The following NAV1 variants were observed in gnomAD, a reference collection of about 807,000 sequenced individuals.
The protein encoded by NAV1 is neuron navigator 1.
In NAV1, 18 loss-of-function variants were observed where a neutral mutation model predicts 175.2. The ratio of observed to expected loss-of-function variants is 0.10; its 90% confidence interval spans 0.07 to 0.15. NAV1 has a LOEUF of 0.15. NAV1 is among the 10% of genes least tolerant of loss of function. The pLI, the probability that NAV1 is intolerant of heterozygous loss-of-function variation, is 1.00. For synonymous variants in NAV1, 897 were observed against 978.7 expected (o/e 0.92, Z 1.56); for missense variants, 1,731 against 2,436.6 (o/e 0.71, Z 6.10).
chr1:201,759,437 G>T (rs1008516546), intron 3 of NAV1, among the ~76,000 whole-genome samples: 16 of 152,200 alleles, frequency 1.1e-4, no homozygotes, highest in African/African-American at 3.9e-4. Context: ...ATGTCGAAAA[G>T]TATGATGCAG....
chr1:201,654,505 T>C (rs1445918478), intron 1 of NAV1, among the ~76,000 whole-genome samples: 1 of 148,944 alleles, frequency 6.7e-6, no homozygotes, highest in Non-Finnish European at 1.5e-5. Flanking sequence ...CACACACATA[T>C]ACCGCACCTC....
In NAV1 at chr1:201,812,683, C is replaced by CG. The variant is rs751411210; in HGVS notation, c.5221+27dup. 4 of 1,606,400 alleles carry CG rather than the reference C, an allele frequency of 2.5e-6. No homozygotes were observed. The South Asian group carries it at 4.4e-5, about 18-fold the overall frequency. Reference sequence around the variant, plus strand: ...ATCGGTACTGGGGTCCAGCTTCCCCCGGGGGTCAGGAGGTGGCTTCCCTTT... The same window carrying CG: ...ATCGGTACTGGGGTCCAGCTTCCCCCGGGGGGTCAGGAGGTGGCTTCCCTTT... On this transcript the variant is annotated intron_variant, in intron 27 of 29. Transcript: ENST00000367296. This position sits in a 1 kb window ranked among gnomAD's most constrained non-coding sequence, Gnocchi z 4.6.
At chr1:201,678,687 A>G (rs1435611676) in intron 1 of NAV1, among the ~76,000 whole-genome samples, 5 of 152,156 alleles carry the variant, frequency 3.3e-5, no homozygotes, top group Admixed American at 3.3e-4. Flanking sequence ...GCTGCTTTCC[A>G]AAGTCCCAGG....
chr1:201,687,235 G>A (rs1670719895), intron 1 of NAV1, among the ~76,000 whole-genome samples: 1 of 152,192 alleles, frequency 6.6e-6, no homozygotes, highest in African/African-American at 2.4e-5. Flanking sequence ...GTGTTTTATA[G>A]GTTGCTTTTT....
intron 1 of NAV1, among the ~76,000 whole-genome samples, chr1:201,659,228 C>T (rs1394474747): frequency 1.3e-5 from 2 of 152,218 alleles, no homozygotes; most frequent in Non-Finnish European, 1.5e-5. Context: ...TGTGGTGCCA[C>T]GTACTAGCTC....
At chr1:201,566,799 G>GT (rs57141674) in intron 1 of NAV1, among the ~76,000 whole-genome samples, 118 of 145,162 alleles carry the variant, frequency 8.1e-4, no homozygotes, top group Non-Finnish European at 1.2e-3. Flanking sequence ...CTTCTAGGTT[G>GT]TTTTTTTTTT....
intron 2 of NAV1, among the ~76,000 whole-genome samples, chr1:201,595,270 G>A (rs2102221037): frequency 6.6e-6 from 1 of 152,360 alleles, no homozygotes; most frequent in African/African-American, 2.4e-5. Context: ...AGTGTGCTAG[G>A]CACAAGGATG....
At position 201,718,255 on chromosome 1, in the gene NAV1, G is replaced by A; in HGVS notation, c.861-135G>A. 2.3e-6 allele frequency: 2 copies of A among 856,974 alleles called. No homozygotes were observed. Among genetic ancestry groups the A allele is most frequent in the East Asian group, 2.8e-5 (1 of 36,292 alleles). The allele number at this position is 856,974 out of a possible 1,614,324, so 53.1% of individuals were successfully genotyped here. On this transcript the variant is annotated intron_variant, in intron 2 of 29. Transcript: ENST00000367296. The surrounding 1 kb of genome is among the most constrained non-coding windows in gnomAD (Gnocchi z 4.8). ...CACAACCAGAGGCCTCATGGAGGAG[G>A]TGGAGCTTGGGCAGGTGGGGAGGAG...
intron 1 of NAV1, among the ~76,000 whole-genome samples, chr1:201,698,800 T>A (rs188623402): frequency 8.2e-4 from 125 of 152,032 alleles, no homozygotes; most frequent in Non-Finnish European, 1.4e-3. Context: ...TGCACAGGAG[T>A]GGGAGTGGGC....
intron 1 of NAV1, among the ~76,000 whole-genome samples, chr1:201,548,530 C>T (rs1233787289): frequency 6.6e-6 from 1 of 152,060 alleles, no homozygotes; most frequent in Non-Finnish European, 1.5e-5. Context: ...GACTGCACTC[C>T]AGCCTGGGTG....
chr1:201,677,882 G>A (rs186677245), intron 1 of NAV1, among the ~76,000 whole-genome samples: 21 of 152,128 alleles, frequency 1.4e-4, no homozygotes, highest in East Asian at 5.8e-4. Context: ...TGCCCACCTC[G>A]GCTTCCCAAA....
In NAV1 at chr1:201,782,829, A is replaced by G; in HGVS notation, c.2317A>G (p.Thr773Ala). The change falls in exon 6 of 30, where the codon ACA (threonine) becomes GCA (alanine). Residue 773 changes from threonine to alanine, a missense_variant. Physicochemically the swap from Thr to Ala is moderately conservative, Grantham distance 58 (BLOSUM62 0). Coordinates refer to ENST00000367296, the Ensembl canonical transcript of NAV1. The surrounding 1 kb of genome is among the most constrained non-coding windows in gnomAD (Gnocchi z 5.4). ...TCCCAAGAACCAAGCAAGCCACCCC[A>G]CAGCCACCAAGCTGGCAGAGCTGCC... is the stretch of plus-strand genomic sequence containing the variant. The G allele has an allele frequency of 1.9e-6, 3 of 1,598,828 alleles. No individual in the cohort carries two copies. Among genetic ancestry groups the G allele is most frequent in the Non-Finnish European group, 2.6e-6 (3 of 1,170,496 alleles).
chr1:201,561,615 G>C (rs1451039689), intron 1 of NAV1, among the ~76,000 whole-genome samples: 1 of 152,152 alleles, frequency 6.6e-6, no homozygotes, highest in Non-Finnish European at 1.5e-5. Flanking sequence ...TTTCTTCTGA[G>C]TCCTTTTTTT....
chr1:201,747,120 G>C (rs1478886705), intron 3 of NAV1, among the ~76,000 whole-genome samples: 1 of 152,158 alleles, frequency 6.6e-6, no homozygotes, highest in Non-Finnish European at 1.5e-5. Flanking sequence ...ATGGGGCAGT[G>C]GATCAATAGG....
chr1:201,708,440 G>GCACATACA (rs1553256955), intron 1 of NAV1, among the ~76,000 whole-genome samples: 10 of 148,198 alleles, frequency 6.7e-5, no homozygotes, highest in African/African-American at 2.5e-4. Context: ...CTACTTGCGC[G>GCACATACA]CACACACACA....
At chr1:201,606,550 C>T (rs1050067199) in intron 2 of NAV1, among the ~76,000 whole-genome samples, 4 of 152,232 alleles carry the variant, frequency 2.6e-5, no homozygotes, top group African/African-American at 9.6e-5. Context: ...AAACTCCAAA[C>T]AGAAGGACTA....
At chr1:201,577,726 G>T (rs550599337) in intron 1 of NAV1, among the ~76,000 whole-genome samples, 29 of 152,140 alleles carry the variant, frequency 1.9e-4, no homozygotes, top group African/African-American at 6.7e-4. Context: ...GAATGTTCTT[G>T]ATTTCCCCTT....
chr1:201,652,773 C>G (rs1403394414), intron 1 of NAV1, among the ~76,000 whole-genome samples: 1 of 152,094 alleles, frequency 6.6e-6, no homozygotes, highest in East Asian at 1.9e-4. Context: ...TTAAAGAGAG[C>G]CTGTATTAAT....
At chr1:201,802,476 AG>A (rs1289735132) in intron 15 of NAV1, among the ~76,000 whole-genome samples, 413 of 118,910 alleles carry the variant, frequency 3.5e-3, no homozygotes, top group Non-Finnish European at 5.6e-3. Context: ...AAAAAAAAAA[AG>A]AAAGAAAGAA....
Sources: allele counts gnomAD v4.1 joint callset (sites outside exome capture counted in the v4.1 genomes callset), GRCh38; gene constraint gnomAD v4.1.1; non-coding constraint Gnocchi (gnomAD v3.1); transcripts MANE v1.5; gene names NCBI Gene and HGNC (gene_info 2026-07-23, HGNC 2026-07-21).